Variants in MTHFD1 observed in about 807,000 individuals in gnomAD.
MTHFD1 encodes methylenetetrahydrofolate dehydrogenase, cyclohydrolase and formyltetrahydrofolate synthetase 1, also known as C-1-tetrahydrofolate synthase, cytoplasmic.
MTHFD1 carries 44 observed loss-of-function variants against 110.3 expected under a neutral mutation model. The ratio of observed to expected loss-of-function variants is 0.40; its 90% CI spans 0.31 to 0.51. The LOEUF is 0.51. Among genes scored for constraint, MTHFD1 ranks in the 20% least tolerant of loss-of-function variants. MTHFD1 has a pLI of 0.60. For missense variants in MTHFD1, 909 were observed against 1,173.1 expected, an observed-to-expected ratio of 0.77 and a Z score of 3.29; for synonymous variants, 402 against 428.8, an observed-to-expected ratio of 0.94 and a Z score of 0.77.
chr14:64,454,629 A>C lies in MTHFD1; in HGVS notation c.2566-94A>C, dbSNP rs139124700. On this transcript the variant is annotated intron_variant, in intron 25 of 27. Coordinates refer to ENST00000652337, the MANE Select transcript of MTHFD1 (RefSeq NM_005956.4). The stretch of plus-strand genomic sequence containing the variant: ...ATAAAGGGAGTTGGATGTTTCGAAT[A>C]AATTGAAGAATCCATGTAATCACAG... 6.7e-4 allele frequency: 685 copies of C among 1,027,760 alleles called. 2 individuals are homozygous for C. The African/African-American group carries it at 9.5e-3, about 14-fold the overall frequency. The allele number at this position is 1,027,760 out of a possible 1,614,324, so 63.7% of individuals were successfully genotyped here.
rs1471192921 is a variant in MTHFD1, at chr14:64,444,668, C to T, written c.2137-25C>T. 5 of 1,614,002 alleles carry T rather than the reference C, an allele frequency of 3.1e-6. No individual in the cohort carries two copies. In the East Asian group the frequency reaches 6.7e-5, roughly 22 times the overall value. ...TAGGAGATTTAAATAGGAAATGCCT[C>T]TGACTCTGTTTCTTTTCCTTCCAGG... On this transcript the variant is annotated intron_variant, in intron 21 of 27. Coordinates refer to ENST00000652337, the MANE Select transcript of MTHFD1 (RefSeq NM_005956.4).
chr14:64,401,063 T>C (rs566292237), intron 2 of MTHFD1, among the ~76,000 whole-genome samples, 186 bp downstream of exon 2: 1 of 152,226 alleles, frequency 6.6e-6, no homozygotes, highest in South Asian at 2.1e-4. Flanking sequence ...GGCCCTCTGC[T>C]CTTCTCTGTG....
At chr14:64,412,870 T>G (rs1265341601) in intron 4 of MTHFD1, among the ~76,000 whole-genome samples, 2 of 151,254 alleles carry the variant, frequency 1.3e-5, no homozygotes, top group Non-Finnish European at 2.9e-5. Context: ...ACTCCTGACC[T>G]GAGGTGATTT....
chr14:64,414,558 G>A (rs1033925063), intron 4 of MTHFD1, among the ~76,000 whole-genome samples: 6 of 151,682 alleles, frequency 4.0e-5, no homozygotes, highest in African/African-American at 1.2e-4. Flanking sequence ...GTATTGTAAG[G>A]TGCAAATTAT....
chr14:64,420,747 C>T (rs1182888357), intron 8 of MTHFD1, among the ~76,000 whole-genome samples: 1 of 152,186 alleles, frequency 6.6e-6, no homozygotes, highest in Non-Finnish European at 1.5e-5. Flanking sequence ...TGCCAGACTC[C>T]TTAGCCTCAC....
At chr14:64,428,969 C>T (rs73277985) in intron 12 of MTHFD1, among the ~76,000 whole-genome samples, 9,390 of 152,082 alleles carry the variant, frequency 0.062, 509 homozygotes, top group African/African-American at 0.16. Flanking sequence ...CCATTATTTT[C>T]CTTTTACTCT....
intron 2 of MTHFD1, among the ~76,000 whole-genome samples, chr14:64,409,932 G>GTGCTTCAGT (rs1240981776): frequency 3.3e-5 from 5 of 152,148 alleles, no homozygotes; most frequent in Admixed American, 3.3e-4. Context: ...AAAAGGAGCT[G>GTGCTTCAGT]TGCTTCAGTT....
chr14:64,395,707 G>A (rs758168264), intron 1 of MTHFD1, among the ~76,000 whole-genome samples: 24 of 152,128 alleles, frequency 1.6e-4, no homozygotes, highest in Non-Finnish European at 2.9e-4. Flanking sequence ...TGGGGAAGGG[G>A]TATGCTATTG....
intron 2 of MTHFD1, among the ~76,000 whole-genome samples, chr14:64,409,153 A>G (rs886783873): frequency 6.6e-6 from 1 of 152,228 alleles, no homozygotes; most frequent in Non-Finnish European, 1.5e-5. Context: ...AAGGAACAAC[A>G]ACAGCGAGAG....
chr14:64,433,398 C>T (rs1363899323), intron 15 of MTHFD1, among the ~76,000 whole-genome samples: 1 of 151,734 alleles, frequency 6.6e-6, no homozygotes, highest in Non-Finnish European at 1.5e-5. Context: ...GGATTACAGG[C>T]GTGAGCCACT....
In MTHFD1 at chr14:64,397,178, T is replaced by C. The variant is rs1388679389; in HGVS notation, c.42-3615T>C. ...ATATATATATATATATATATATATA[T>C]ATATATATATATAAAAAACAGTAAT... is the stretch of plus-strand genomic sequence containing the variant. On this transcript the variant is annotated intron_variant, in intron 1 of 27. Transcript: ENST00000652337. 1.3e-4 allele frequency among the ~76,000 whole-genome samples: 2 copies of C among 15,308 alleles called. 1 individual carries two copies. Among genetic ancestry groups the C allele is most frequent in the African/African-American group, 7.1e-4 (2 of 2,820 alleles). 10.0% of individuals were successfully genotyped at this position (15,308 alleles called of 152,430 possible). A position where few individuals can be genotyped will look rare whatever the true frequency, so the allele number is the denominator to read the frequency against.
Position 64,388,416 on chromosome 14 carries a change from C to T in MTHFD1, c.-12C>T. On this transcript the variant is annotated 5_prime_UTR_variant, in exon 1 of 28. Transcript: ENST00000652337. ...GGTGGTGTCCATCGTGGGCAGCGGA[C>T]TAATAAAGGCCATGGCGCCAGCAGA... is the stretch of plus-strand genomic sequence containing the variant. 2 of 1,614,128 alleles carry T rather than the reference C, an allele frequency of 1.2e-6. No individual in the cohort carries two copies. Among genetic ancestry groups the T allele is most frequent in the Non-Finnish European group, 1.7e-6 (2 of 1,180,028 alleles).
chr14:64,397,053 C>A lies in MTHFD1; in HGVS notation c.42-3740C>A, dbSNP rs547138116. On this transcript the variant is annotated intron_variant, in intron 1 of 27. Transcript: ENST00000652337. ...CCGGGAGGCGGAGCTTGCAGTGAGC[C>A]GAGATCGCGCCACTGCACTCCAGCC... Among the ~76,000 whole-genome samples the A allele has an allele frequency of 2.7e-3, 307 of 113,752 alleles. 1 individual carries two copies. The highest frequency in any genetic ancestry group is 0.021 in the Middle Eastern group (3 of 142). 74.6% of individuals were successfully genotyped at this position (113,752 alleles called of 152,430 possible). A position where few individuals can be genotyped will look rare whatever the true frequency, so the allele number is the denominator to read the frequency against.
chr14:64,411,507 G>T (rs1456269940), intron 3 of MTHFD1, among the ~76,000 whole-genome samples: 4 of 152,218 alleles, frequency 2.6e-5, no homozygotes, highest in African/African-American at 9.7e-5. Context: ...AGAGGAAAGG[G>T]TGGGTTATTG....
Position 64,448,220 on chromosome 14 carries a change from C to G in MTHFD1, c.2182C>G (p.Leu728Val). Residue 728 changes from leucine to valine, a missense_variant, in exon 23 of 28, where the codon CTG (leucine) becomes GTG (valine). Transcript: ENST00000652337. ...PLPKAYIQENLELVEKGFSNL... is the reference protein window; with the variant it reads ...PLPKAYIQENVELVEKGFSNL... ...CCTTTCACTGTTGTTTTTACAGAAC[C>G]TGGAGCTGGTTGAAAAAGGCTTCAG... The G allele has an allele frequency of 6.2e-7, 1 of 1,613,310 alleles. No individual in the cohort carries two copies. The highest frequency in any genetic ancestry group is 8.5e-7 in the Non-Finnish European group (1 of 1,179,260).
intron 12 of MTHFD1, among the ~76,000 whole-genome samples, chr14:64,429,868 A>G (rs2078144838): frequency 6.6e-6 from 1 of 152,224 alleles, no homozygotes; most frequent in Non-Finnish European, 1.5e-5. Context: ...AAGTAGCTTT[A>G]TGAGAGTAGG....
chr14:64,405,723 G>A (rs2077930963), intron 2 of MTHFD1, among the ~76,000 whole-genome samples: 1 of 152,072 alleles, frequency 6.6e-6, no homozygotes, highest in Non-Finnish European at 1.5e-5. Flanking sequence ...ATGATTTGGG[G>A]TTCTATCTAT....
At chr14:64,424,602 T>C (rs775035427) in intron 8 of MTHFD1, among the ~76,000 whole-genome samples, 20 of 152,222 alleles carry the variant, frequency 1.3e-4, no homozygotes, top group Non-Finnish European at 2.6e-4. Flanking sequence ...AAACCACTTA[T>C]GCATCTTGTG....
intron 21 of MTHFD1, 91 bp downstream of exon 21, chr14:64,442,493 G>A: frequency 7.4e-7 from 1 of 1,354,840 alleles, no homozygotes; most frequent in Non-Finnish European, 1.0e-6. Flanking sequence ...TCATTGAGTT[G>A]CTCTTATCCT....
Sources: allele counts gnomAD v4.1 joint callset (sites outside exome capture counted in the v4.1 genomes callset), GRCh38; gene constraint gnomAD v4.1.1; transcripts MANE v1.5; gene names NCBI Gene and HGNC (gene_info 2026-07-23, HGNC 2026-07-21).